Variants in ZC3H6 observed in about 807,000 individuals in gnomAD.
ZC3H6 encodes zinc finger CCCH-type containing 6, also known as zinc finger CCCH domain-containing protein 6.
Under a neutral mutation model 107.7 loss-of-function variants are expected in ZC3H6, and 40 were observed. The observed-to-expected ratio is 0.37, with a 90% CI of 0.29 to 0.48. The LOEUF is 0.48. Ranked by LOEUF, ZC3H6 falls within the 20% of genes least tolerant of loss-of-function variation. The pLI is 0.98. For synonymous variants in ZC3H6, 493 were observed against 487.9 expected, an observed-to-expected ratio of 1.01 and a Z score of -0.14; for missense variants, 1,267 against 1,410.4, an observed-to-expected ratio of 0.90 and a Z score of 1.63.
intron 11 of ZC3H6, among the ~76,000 whole-genome samples, chr2:112,325,512 T>C (rs1469932062): frequency 2.0e-5 from 3 of 152,144 alleles, no homozygotes; most frequent in Non-Finnish European, 2.9e-5. Context: ...CTATTTCCAA[T>C]GTATTTCATA....
Position 112,331,965 on chromosome 2 carries a change from C to A in ZC3H6, c.3047C>A (p.Ser1016Tyr). The change falls in exon 12 of 12, where the codon TCT (serine) becomes TAT (tyrosine). Residue 1016 changes from serine (S) to tyrosine (Y), a missense_variant. Ser to Tyr is a moderately radical substitution (Grantham distance 144). Around this residue, in one of 3 missense-constraint regions of ZC3H6, gnomAD observed 925 missense variants for 1,025.7 expected, o/e 0.90. Transcript: ENST00000409871. ...SQPSGAGTSN[S>Y]GSGALPPYAP... is the part of the protein sequence containing the mutation. ...CCCTCAGGGGCAGGAACTAGCAATT[C>A]TGGTTCCGGGGCTCTGCCTCCATAT... is the stretch of plus-strand genomic sequence containing the variant. 3.7e-6 allele frequency: 6 copies of A among 1,613,994 alleles called. No individual in the cohort carries two copies. Among genetic ancestry groups the A allele is most frequent in the Non-Finnish European group, 5.1e-6 (6 of 1,179,894 alleles).
rs988308829 is a variant in ZC3H6, at chr2:112,331,457, A to G, written c.2539A>G (p.Ile847Val). ...AATACCTTTGGATGCCTCACCTGGC[A>G]TAATGCTCCAGGATCCAAGGTCACA... ...FLIPLDASPG[I>V]MLQDPRSQLR... Residue 847 changes from isoleucine (I) to valine (V), a missense_variant, in exon 12 of 12, where the codon ATA becomes GTA. Physicochemically the swap from Ile to Val is conservative, Grantham distance 29. This residue lies in a region of ZC3H6 where 925 missense variants were observed against 1,025.7 expected (regional missense o/e 0.90). Transcript: ENST00000409871. 6.2e-7 allele frequency: 1 copy of G among 1,614,028 alleles called. No individual in the cohort carries two copies. The highest frequency in any genetic ancestry group is 1.3e-5 in the African/African-American group (1 of 75,062).
In ZC3H6 at chr2:112,340,047, A is replaced by G. The variant is rs1009567987; in HGVS notation, c.*7559A>G. The G allele has an allele frequency of 2.0e-5, 3 of 152,230 alleles. No homozygotes were observed. The highest frequency in any genetic ancestry group is 4.8e-5 in the African/African-American group (2 of 41,462). 9.4% of individuals were successfully genotyped at this position (152,230 alleles called of 1,614,324 possible). ...TTCTATTGTCTGAATTTAAATAAAA[A>G]TGTTTCTAATAATATCTGTCTGGCA... On this transcript the variant is annotated 3_prime_UTR_variant, in exon 12 of 12. Transcript: ENST00000409871.
intron 3 of ZC3H6, among the ~76,000 whole-genome samples, chr2:112,307,730 A>G (rs1252290063): frequency 6.6e-6 from 1 of 152,204 alleles, no homozygotes; most frequent in African/African-American, 2.4e-5. Flanking sequence ...TTTAACCACA[A>G]AAGGAGCCCT....
intron 3 of ZC3H6, among the ~76,000 whole-genome samples, chr2:112,304,701 AG>A (rs1189882847): frequency 2.6e-5 from 4 of 152,330 alleles, no homozygotes; most frequent in Admixed American, 2.6e-4. Context: ...CAGAGTCACT[AG>A]GAAGTATTTG....
intron 1 of ZC3H6, among the ~76,000 whole-genome samples, chr2:112,278,810 TAG>T (rs1686474532): frequency 1.3e-5 from 2 of 152,154 alleles, no homozygotes; most frequent in Non-Finnish European, 1.5e-5. Flanking sequence ...TTTAAAGAAA[TAG>T]AGTCTCGCTA....
In ZC3H6 at chr2:112,331,252, TCTTAGA is replaced by T. The variant is rs1341578731; in HGVS notation, c.2338_2343del (p.Arg780_Leu781del). On this transcript the variant is annotated inframe_deletion, in exon 12 of 12. Transcript: ENST00000409871. ...AGCCTTCTGAGTCTGCCCCACTGGATCTTAGACTTGCGTGGGATCCCAGGAAATTGA... is the reference window on the plus strand; with the variant it reads ...AGCCTTCTGAGTCTGCCCCACTGGATCTTGCGTGGGATCCCAGGAAATTGA... 1 of 1,613,774 alleles carries T rather than the reference TCTTAGA, an allele frequency of 6.2e-7. No individual in the cohort carries two copies.
At chr2:112,297,056 T>G (rs1170916099) in intron 1 of ZC3H6, among the ~76,000 whole-genome samples, 1 of 152,138 alleles carries the variant, frequency 6.6e-6, no homozygotes, top group East Asian at 1.9e-4. Context: ...TTGAGAGATT[T>G]TAGGCACTTT....
intron 11 of ZC3H6, among the ~76,000 whole-genome samples, chr2:112,325,926 C>G (rs989037035): frequency 1.3e-5 from 2 of 152,022 alleles, no homozygotes; most frequent in African/African-American, 4.8e-5. Context: ...AAGTTTAAAG[C>G]ATCCAGTTCT....
intron 7 of ZC3H6, 30 bp from the exon 8 acceptor site, chr2:112,321,726 C>T: frequency 7.6e-7 from 1 of 1,317,770 alleles, no homozygotes; most frequent in Admixed American, 2.9e-5. Flanking sequence ...CTTGATTTTA[C>T]TTGGTCTTTT....
At chr2:112,284,261 A>AT (rs1686571569) in intron 1 of ZC3H6, among the ~76,000 whole-genome samples, 1 of 152,206 alleles carries the variant, frequency 6.6e-6, no homozygotes, top group African/African-American at 2.4e-5. Context: ...TTAAAATTAT[A>AT]TTTTATATAA....
chr2:112,313,224 T>G (rs532474060), intron 5 of ZC3H6, among the ~76,000 whole-genome samples: 1 of 152,320 alleles, frequency 6.6e-6, no homozygotes, highest in Non-Finnish European at 1.5e-5. Flanking sequence ...TAACATTCAC[T>G]GAGCCACTCA....
At chr2:112,287,653 G>T (rs1267465792) in intron 1 of ZC3H6, among the ~76,000 whole-genome samples, 1 of 152,118 alleles carries the variant, frequency 6.6e-6, no homozygotes, top group Non-Finnish European at 1.5e-5. Flanking sequence ...CAGGCTGGAG[G>T]TGCAGTGGCA....
chr2:112,295,317 T>A (rs1411857281), intron 1 of ZC3H6, among the ~76,000 whole-genome samples: 1 of 152,198 alleles, frequency 6.6e-6, no homozygotes, highest in Admixed American at 6.5e-5. Context: ...ATCTATTTGA[T>A]GTATTACATT....
At chr2:112,330,559 AG>A (rs1312618668) in intron 11 of ZC3H6, among the ~76,000 whole-genome samples, 1 of 152,206 alleles carries the variant, frequency 6.6e-6, no homozygotes, top group East Asian at 1.9e-4. Context: ...AGGAAGCTTA[AG>A]GAATGCTTGA....
chr2:112,280,669 G>C (rs1477022325), intron 1 of ZC3H6, among the ~76,000 whole-genome samples: 1 of 152,062 alleles, frequency 6.6e-6, no homozygotes, highest in Non-Finnish European at 1.5e-5. Flanking sequence ...AGGCTTCTGG[G>C]AGACATCATG....
intron 1 of ZC3H6, among the ~76,000 whole-genome samples, chr2:112,295,523 C>G (rs1209194477): frequency 6.6e-6 from 1 of 152,118 alleles, no homozygotes; most frequent in Non-Finnish European, 1.5e-5. Flanking sequence ...GGTGATAGAG[C>G]TGGAATTAGA....
intron 5 of ZC3H6, among the ~76,000 whole-genome samples, chr2:112,314,996 T>C (rs1676670169): frequency 6.6e-6 from 1 of 152,196 alleles, no homozygotes; most frequent in African/African-American, 2.4e-5. Context: ...AATTTAGACA[T>C]CTATTGCCTC....
intron 1 of ZC3H6, among the ~76,000 whole-genome samples, chr2:112,292,786 T>A (rs546571476): frequency 1.8e-4 from 28 of 152,238 alleles, no homozygotes; most frequent in Non-Finnish European, 3.4e-4. Flanking sequence ...GGCTTTATCT[T>A]TTCAGTCAGC....
Sources: gnomAD v4.1 joint callset for allele counts (sites outside exome capture counted in the v4.1 genomes callset) on GRCh38, gnomAD v4.1.1 for gene constraint, gnomAD v4.1.1 regional missense constraint, MANE v1.5 for transcripts, NCBI Gene and HGNC (gene_info 2026-07-23, HGNC 2026-07-21) for gene names.